RTF2: variants seen among roughly 807,000 people sequenced by gnomAD.
RTF2 encodes UPF0549 protein C20orf43.
Under a neutral mutation model 38.0 loss-of-function variants are expected in RTF2, and 18 were observed. The observed-to-expected ratio is 0.47, with a 90% CI of 0.33 to 0.70. The LOEUF (loss-of-function observed/expected upper bound fraction) is 0.70, where lower values mean the gene tolerates loss of function less well. Ranked by LOEUF, RTF2 falls within the 30% of genes least tolerant of loss-of-function variation. The pLI is 0.02. For synonymous variants in RTF2, 126 were observed against 137.1 expected (o/e 0.92, Z 0.57); for missense variants, 311 against 379.6 (o/e 0.82, Z 1.50).
chr20:56,493,790 T>C (rs577017842), intron 5 of RTF2, among the ~76,000 whole-genome samples: 3 of 152,164 alleles, frequency 2.0e-5, no homozygotes, highest in Non-Finnish European at 4.4e-5. Flanking sequence ...GAAGTTGAAC[T>C]AGAAGGGAAT....
At chr20:56,473,247 G>C (rs545545589) in intron 1 of RTF2, 54 bp from the exon 2 acceptor site, 1 of 1,275,320 alleles carries the variant, frequency 7.8e-7, no homozygotes, top group African/African-American at 1.5e-5. Flanking sequence ...GTAGAATTGT[G>C]AACCATGTGT....
At chr20:56,493,370 A>C (rs557182680) in intron 5 of RTF2, among the ~76,000 whole-genome samples, 1 of 152,074 alleles carries the variant, frequency 6.6e-6, no homozygotes, top group South Asian at 2.1e-4. Context: ...TAATATTATA[A>C]GTATGGGCCA....
chr20:56,492,773 C>A (rs763042179), intron 5 of RTF2, among the ~76,000 whole-genome samples: 1 of 151,978 alleles, frequency 6.6e-6, no homozygotes, highest in Non-Finnish European at 1.5e-5. Flanking sequence ...GAGGCCTCAG[C>A]GTATGTGTGA....
intron 1 of RTF2, chr20:56,470,686 A>G (rs559286843): frequency 2.2e-6 from 1 of 455,518 alleles, no homozygotes; most frequent in African/African-American, 2.0e-5. Flanking sequence ...GCCCCACCTC[A>G]CCCCCATCCT....
chr20:56,483,220 C>CT (rs1406220243), intron 4 of RTF2, among the ~76,000 whole-genome samples: 1 of 152,080 alleles, frequency 6.6e-6, no homozygotes. Context: ...AGAAGAAACT[C>CT]TTAAAAGTCA....
intron 5 of RTF2, chr20:56,496,501 T>C: frequency 1.1e-6 from 1 of 902,032 alleles, no homozygotes; most frequent in Non-Finnish European, 1.6e-6. Flanking sequence ...TGAGCCGAGA[T>C]CGCGCCACTG....
chr20:56,492,572 T>C (rs541000016), intron 5 of RTF2, among the ~76,000 whole-genome samples: 1 of 150,788 alleles, frequency 6.6e-6, no homozygotes, highest in South Asian at 2.1e-4. Context: ...AAAAAAATTT[T>C]TTTTAAAGTG....
chr20:56,507,083 A>G (rs1984327473), intron 5 of RTF2, among the ~76,000 whole-genome samples: 1 of 152,210 alleles, frequency 6.6e-6, no homozygotes, highest in Non-Finnish European at 1.5e-5. Context: ...ACAGTTTTAA[A>G]TGGATGTATA....
intron 5 of RTF2, among the ~76,000 whole-genome samples, chr20:56,512,667 G>C (rs1984751890): frequency 1.3e-5 from 2 of 152,182 alleles, no homozygotes; most frequent in Admixed American, 6.5e-5. Flanking sequence ...TGAAAGACTT[G>C]AGACTTAGCA....
At chr20:56,512,724 G>A (rs1984756453) in intron 5 of RTF2, among the ~76,000 whole-genome samples, 2 of 152,214 alleles carry the variant, frequency 1.3e-5, no homozygotes, top group South Asian at 4.1e-4. Flanking sequence ...TGGTATGGAT[G>A]CACAGCTGGG....
chr20:56,499,235 A>C (rs1249294611), intron 5 of RTF2, among the ~76,000 whole-genome samples: 1 of 138,718 alleles, frequency 7.2e-6, no homozygotes, highest in Admixed American at 7.8e-5. Context: ...CTTGCTCTGT[A>C]ACTCAGGCTG....
chr20:56,508,075 C>T (rs1401487656), intron 5 of RTF2, among the ~76,000 whole-genome samples: 1 of 152,148 alleles, frequency 6.6e-6, no homozygotes, highest in Non-Finnish European at 1.5e-5. Flanking sequence ...TTCTCTATGG[C>T]ACCACCCTCA....
intron 5 of RTF2, among the ~76,000 whole-genome samples, chr20:56,500,030 G>A (rs972881776): frequency 2.6e-5 from 4 of 151,510 alleles, no homozygotes; most frequent in African/African-American, 4.9e-5. Context: ...GAACCACTGC[G>A]CCCGGCCTAT....
intron 5 of RTF2, among the ~76,000 whole-genome samples, chr20:56,493,697 T>C (rs1258103250): frequency 6.7e-6 from 1 of 148,648 alleles, no homozygotes; most frequent in Non-Finnish European, 1.5e-5. Context: ...AGACTATCAG[T>C]GGGAGAAACT....
At position 56,508,295 on chromosome 20, in the gene RTF2, G is replaced by GA. The variant is rs11484472; in HGVS notation, c.478-5011dup. Reference sequence around the variant, plus strand: ...TCTGGAAAATCTTTGGCAACTTCAGGAAAAAAAAAGTACTTTTATGGCTTT... The same window carrying GA: ...TCTGGAAAATCTTTGGCAACTTCAGGAAAAAAAAAAGTACTTTTATGGCTTT... On this transcript the variant is annotated intron_variant, in intron 5 of 8. Transcript: ENST00000357348. 0.028 allele frequency among the ~76,000 whole-genome samples: 4,209 copies of GA among 150,768 alleles called. 348 individuals carry two copies. In the East Asian group the frequency reaches 0.29, roughly 11 times the overall value.
chr20:56,511,092 A>G (rs1984635215), intron 5 of RTF2, among the ~76,000 whole-genome samples: 1 of 152,072 alleles, frequency 6.6e-6, no homozygotes, highest in African/African-American at 2.4e-5. Context: ...AAAGTTTGTA[A>G]TTTTTACATG....
intron 5 of RTF2, among the ~76,000 whole-genome samples, chr20:56,509,239 T>A (rs78272289): frequency 0.049 from 7,492 of 152,268 alleles, 245 homozygotes; most frequent in South Asian, 0.09. Flanking sequence ...CGTGAAAAGA[T>A]GCTTAACATC....
At chr20:56,507,996 G>A (rs1023871446) in intron 5 of RTF2, among the ~76,000 whole-genome samples, 4 of 152,180 alleles carry the variant, frequency 2.6e-5, no homozygotes, top group African/African-American at 9.7e-5. Context: ...CTAAAAACAA[G>A]CTCCTTTTCT....
rs1293982665 is a variant in RTF2 at position 56,510,857 on chromosome 20, G to A, written c.478-2458G>A. On this transcript the variant is annotated intron_variant, in intron 5 of 8. Transcript: ENST00000357348. ...CAGGAGGATGAGGTAGGAGGATGAG[G>A]TGGGAGGATGGCTTGAGCCTGGGAG... Among the ~76,000 whole-genome samples the A allele has an allele frequency of 2.6e-5, 4 of 152,226 alleles. No homozygotes were observed. The South Asian group carries it at 6.2e-4, about 24-fold the overall frequency.
Sources: gnomAD v4.1 joint callset for allele counts (sites outside exome capture counted in the v4.1 genomes callset) on GRCh38, gnomAD v4.1.1 for gene constraint, MANE v1.5 for transcripts, NCBI Gene and HGNC (gene_info 2026-07-23, HGNC 2026-07-21) for gene names.